The following NRXN3 variants were observed in gnomAD, a reference collection of about 807,000 sequenced individuals.
The protein encoded by NRXN3 is neurexin 3.
A neutral mutation model predicts 137.6 loss-of-function variants in NRXN3; 32 were observed. The observed-to-expected ratio is 0.23, with a 90% CI of 0.18 to 0.31. The LOEUF is 0.31. Ranked by LOEUF, NRXN3 falls within the 10% of genes least tolerant of loss-of-function variation. NRXN3 has a pLI of 1.00. For synonymous variants in NRXN3, 798 were observed against 784.5 expected (o/e 1.02, Z -0.29); for missense variants, 1,574 against 2,062.5 (o/e 0.76, Z 4.59).
chr14:79,134,190 A>C (rs910572337), intron 15 of NRXN3, among the ~76,000 whole-genome samples: 1 of 152,178 alleles, frequency 6.6e-6, no homozygotes, highest in African/African-American at 2.4e-5. Flanking sequence ...GAATATCTGA[A>C]TGGAATGGGA....
chr14:78,843,585 C>A (rs559952682), intron 10 of NRXN3, among the ~76,000 whole-genome samples: 2 of 152,186 alleles, frequency 1.3e-5, no homozygotes. Context: ...AGATCAGTGG[C>A]AGAATTTGCT....
At position 78,693,013 on chromosome 14, in the gene NRXN3, G is replaced by T. The variant is rs187835514; in HGVS notation, c.1222-16204G>T. On this transcript the variant is annotated intron_variant, in intron 6 of 20. Coordinates refer to ENST00000335750, the MANE Select transcript of NRXN3 (RefSeq NM_001330195.2). ...CAGGAGAATTCCTTGAACTCAGGAG[G>T]TGGGGGTTGCAGTGAGCCGAGATCA... 4.5e-3 allele frequency among the ~76,000 whole-genome samples: 683 copies of T among 152,050 alleles called. 10 individuals are homozygous for T. The highest frequency in any genetic ancestry group is 0.014 in the Middle Eastern group (4 of 294).
chr14:79,831,125 C>A (rs2141247196), intron 20 of NRXN3, among the ~76,000 whole-genome samples: 1 of 152,160 alleles, frequency 6.6e-6, no homozygotes, highest in South Asian at 2.1e-4. Context: ...TATCTAGATT[C>A]AGTAGGAAAT....
chr14:79,485,734 G>A (rs2096650049), intron 16 of NRXN3, among the ~76,000 whole-genome samples: 1 of 152,140 alleles, frequency 6.6e-6, no homozygotes, highest in African/African-American at 2.4e-5. Context: ...GGATTACCTT[G>A]AAATTGAACT....
intron 15 of NRXN3, among the ~76,000 whole-genome samples, chr14:79,001,313 T>C (rs1182336470): frequency 6.6e-6 from 1 of 152,180 alleles, no homozygotes; most frequent in Middle Eastern, 3.2e-3. Flanking sequence ...CCAAATACCA[T>C]TTTTATCCTG....
intron 10 of NRXN3, among the ~76,000 whole-genome samples, chr14:78,904,384 G>A (rs950802697): frequency 2.6e-5 from 4 of 152,018 alleles, no homozygotes; most frequent in African/African-American, 4.8e-5. Flanking sequence ...CAATAATGCC[G>A]AGGTTGAAAA....
chr14:78,430,115 A>T (rs1301682286), intron 4 of NRXN3, among the ~76,000 whole-genome samples: 1 of 152,176 alleles, frequency 6.6e-6, no homozygotes, highest in Non-Finnish European at 1.5e-5. Context: ...TTGCACGTCT[A>T]CAGTCCCAGC....
chr14:78,459,734 C>CT (rs1395254238), intron 4 of NRXN3, among the ~76,000 whole-genome samples: 4 of 152,166 alleles, frequency 2.6e-5, no homozygotes, highest in African/African-American at 9.7e-5. Flanking sequence ...AACAAACTCA[C>CT]TTTCTCGTAC....
chr14:79,763,996 A>G (rs1187259507), intron 19 of NRXN3, among the ~76,000 whole-genome samples: 1 of 152,246 alleles, frequency 6.6e-6, no homozygotes, highest in Admixed American at 6.5e-5. Context: ...TGAAAATGAA[A>G]TAACATTTAG....
chr14:79,226,392 A>G (rs8008757), intron 15 of NRXN3, among the ~76,000 whole-genome samples: 133,789 of 152,216 alleles, frequency 0.88, 60,077 homozygotes, highest in Non-Finnish European at 0.97. Context: ...TAGGCAATAA[A>G]TTACTTTATA....
intron 19 of NRXN3, among the ~76,000 whole-genome samples, chr14:79,762,411 A>G (rs1280613511): frequency 1.3e-5 from 2 of 151,686 alleles, no homozygotes; most frequent in Non-Finnish European, 2.9e-5. Flanking sequence ...TAAAGGTATT[A>G]TAAAATGGCT....
intron 15 of NRXN3, among the ~76,000 whole-genome samples, chr14:79,003,527 A>C (rs1365816817): frequency 6.6e-6 from 1 of 152,152 alleles, no homozygotes; most frequent in African/African-American, 2.4e-5. Flanking sequence ...TCTGATACTG[A>C]TGTGCTTTAA....
chr14:78,838,514 G>C (rs1034713127), intron 10 of NRXN3, among the ~76,000 whole-genome samples: 2 of 152,094 alleles, frequency 1.3e-5, no homozygotes, highest in Non-Finnish European at 2.9e-5. Flanking sequence ...TACATTATTT[G>C]TCTTAGTTCT....
intron 15 of NRXN3, among the ~76,000 whole-genome samples, chr14:79,442,557 G>A (rs964840865): frequency 6.6e-6 from 1 of 152,160 alleles, no homozygotes. Context: ...CTACACAGCA[G>A]GGACAGGACA....
intron 18 of NRXN3, among the ~76,000 whole-genome samples, chr14:79,694,577 T>A (rs1273164646): frequency 1.3e-5 from 2 of 151,952 alleles, no homozygotes; most frequent in Non-Finnish European, 2.9e-5. Flanking sequence ...AAAAATCTGA[T>A]CATAAGCCAT....
At chr14:78,930,611 G>A (rs1269269807) in intron 10 of NRXN3, among the ~76,000 whole-genome samples, 1 of 152,172 alleles carries the variant, frequency 6.6e-6, no homozygotes, top group African/African-American at 2.4e-5. Context: ...AAGAAAGAAG[G>A]AAGGGGATTT....
At chr14:78,906,910 G>C (rs373120073) in intron 10 of NRXN3, among the ~76,000 whole-genome samples, 1 of 151,856 alleles carries the variant, frequency 6.6e-6, no homozygotes. Context: ...GTGACTTGGG[G>C]CATGTGCTCA....
At chr14:78,504,829 A>G (rs2095953097) in intron 4 of NRXN3, among the ~76,000 whole-genome samples, 1 of 152,110 alleles carries the variant, frequency 6.6e-6, no homozygotes, top group African/African-American at 2.4e-5. Flanking sequence ...AAATTTAGCA[A>G]TGGCCCCATT....
chr14:79,589,661 T>G (rs221423), intron 16 of NRXN3, among the ~76,000 whole-genome samples: 1 of 151,470 alleles, frequency 6.6e-6, no homozygotes, highest in East Asian at 1.9e-4. Context: ...TTAAGTGGCA[T>G]TTTCTCTTGC....
Sources: allele counts gnomAD v4.1 joint callset (sites outside exome capture counted in the v4.1 genomes callset), GRCh38; gene constraint gnomAD v4.1.1; transcripts MANE v1.5; gene names NCBI Gene and HGNC (gene_info 2026-07-23, HGNC 2026-07-21).